The following MSRB3 variants were observed in gnomAD, a reference collection of about 807,000 sequenced individuals.
The protein encoded by MSRB3 is methionine-R-sulfoxide reductase B3.
A neutral mutation model predicts 21.0 loss-of-function variants in MSRB3; 13 were observed. That is an observed-to-expected ratio of 0.62 (90% CI 0.40 to 0.98). MSRB3 has a LOEUF of 0.98. MSRB3 is among the 50% of genes least tolerant of loss of function. The probability of loss-of-function intolerance (pLI) is 0.00; values close to 1 mark genes in which losing one functional copy is unlikely to be tolerated. For synonymous variants in MSRB3, 87 were observed against 88.6 expected (o/e 0.98, Z 0.10); for missense variants, 199 against 230.3 (o/e 0.86, Z 0.88).
At chr12:65,454,202 CACTGG>C in intron 6 of MSRB3, 1 of 456,522 alleles carries the variant, frequency 2.2e-6, no homozygotes, top group Non-Finnish European at 4.0e-6. Context: ...GCAGGAGAAT[CACTGG>C]AGCCCAGGAG....
At chr12:65,376,037 T>G (rs1457500911) in intron 5 of MSRB3, among the ~76,000 whole-genome samples, 1 of 152,050 alleles carries the variant, frequency 6.6e-6, no homozygotes, top group Non-Finnish European at 1.5e-5. Context: ...ACAACCTGAT[T>G]CATGATAATT....
intron 2 of MSRB3, among the ~76,000 whole-genome samples, chr12:65,322,807 G>T (rs1427517762): frequency 2.0e-5 from 3 of 152,048 alleles, no homozygotes; most frequent in Non-Finnish European, 4.4e-5. Flanking sequence ...CTCAGTTTCT[G>T]TATCTGTAAA....
intron 1 of MSRB3, among the ~76,000 whole-genome samples, chr12:65,279,700 T>G (rs1165754009): frequency 6.6e-6 from 1 of 152,218 alleles, no homozygotes; most frequent in Non-Finnish European, 1.5e-5. Flanking sequence ...CTTTATAAGA[T>G]AATCTTCTTG....
chr12:65,435,940 C>T (rs1423854088), intron 5 of MSRB3, among the ~76,000 whole-genome samples: 1 of 151,744 alleles, frequency 6.6e-6, no homozygotes, highest in Non-Finnish European at 1.5e-5. Context: ...CTGTATCTTC[C>T]ATGCTTTTTC....
At chr12:65,332,786 C>A (rs1875516185) in intron 4 of MSRB3, among the ~76,000 whole-genome samples, 1 of 152,128 alleles carries the variant, frequency 6.6e-6, no homozygotes, top group Admixed American at 6.5e-5. Flanking sequence ...AAAGGCTATT[C>A]AATTATTCTC....
intron 4 of MSRB3, among the ~76,000 whole-genome samples, chr12:65,360,151 A>C (rs1877620197): frequency 6.6e-6 from 1 of 152,132 alleles, no homozygotes; most frequent in Non-Finnish European, 1.5e-5. Context: ...CCTGGATGAC[A>C]TTTTAACTTG....
intron 4 of MSRB3, among the ~76,000 whole-genome samples, chr12:65,351,289 A>AG (rs1876969233): frequency 2.7e-5 from 4 of 149,754 alleles, no homozygotes; most frequent in African/African-American, 1.0e-4. Flanking sequence ...AACATACCAG[A>AG]ATCTCTGGGA....
At chr12:65,305,127 A>G (rs1432634064) in intron 1 of MSRB3, 1 of 149,238 alleles carries the variant, frequency 6.7e-6, no homozygotes, top group Non-Finnish European at 1.5e-5. Flanking sequence ...GGAGTGCAGT[A>G]CGCAATCTCA....
rs975364759 is a variant in MSRB3, at chr12:65,464,628, A to T, written c.*1306A>T. ...CAAATTCCACTGTGTAAAATAAAAT[A>T]TTAGGGGCAACACACTTCATCAAGG... On this transcript the variant is annotated 3_prime_UTR_variant, in exon 7 of 7. Transcript: ENST00000308259. 6.6e-6 allele frequency: 1 copy of T among 152,266 alleles called. No individual in the cohort carries two copies. The highest frequency in any genetic ancestry group is 1.5e-5 in the Non-Finnish European group (1 of 68,086). The allele number at this position is 152,266 out of a possible 1,614,324, so 9.4% of individuals were successfully genotyped here.
At chr12:65,329,632 A>G (rs1239818259) in intron 4 of MSRB3, among the ~76,000 whole-genome samples, 3 of 151,262 alleles carry the variant, frequency 2.0e-5, no homozygotes, top group Non-Finnish European at 4.4e-5. Context: ...TGGGCGACAG[A>G]GTAAGATTCC....
At chr12:65,308,860 C>T (rs1021765421) in intron 2 of MSRB3, 1 of 673,404 alleles carries the variant, frequency 1.5e-6, no homozygotes, top group African/African-American at 1.8e-5. Flanking sequence ...GAACATTGTC[C>T]AGTTTCCTTG....
At chr12:65,308,950 A>G in intron 2 of MSRB3, 1 of 441,992 alleles carries the variant, frequency 2.3e-6, no homozygotes, top group South Asian at 2.7e-5. Context: ...CATAACGTTC[A>G]TAAGAGGCTG....
At chr12:65,453,921 G>C (rs758721155) in intron 6 of MSRB3, 96 bp downstream of exon 6, 4 of 980,200 alleles carry the variant, frequency 4.1e-6, no homozygotes, top group Admixed American at 3.5e-5. Flanking sequence ...GTCACAAGAA[G>C]GACAGACAAG....
At chr12:65,329,741 A>C (rs966028715) in intron 4 of MSRB3, among the ~76,000 whole-genome samples, 1 of 152,210 alleles carries the variant, frequency 6.6e-6, no homozygotes, top group Non-Finnish European at 1.5e-5. Context: ...ACTTGTAGCT[A>C]AAACACACTT....
In MSRB3 at chr12:65,278,718, G is replaced by T. The variant is rs538272444; in HGVS notation, c.-199G>T. Reference sequence around the variant, plus strand: ...CCGCCCCGTCCGTCGCCCGGAGCCGGGGAGGGAGGGAGCGAGGTTCGGACA... The same window carrying T: ...CCGCCCCGTCCGTCGCCCGGAGCCGTGGAGGGAGGGAGCGAGGTTCGGACA... On this transcript the variant is annotated 5_prime_UTR_variant, in exon 1 of 7. Coordinates refer to ENST00000308259, the MANE Select transcript of MSRB3 (RefSeq NM_001031679.3). 4 of 1,504,012 alleles carry T rather than the reference G, an allele frequency of 2.7e-6. No individual in the cohort carries two copies. The highest frequency in any genetic ancestry group is 3.6e-6 in the Non-Finnish European group (4 of 1,105,632). The allele number at this position is 1,504,012 out of a possible 1,614,324, so 93.2% of individuals were successfully genotyped here.
chr12:65,447,164 T>A (rs1882656927), intron 5 of MSRB3, among the ~76,000 whole-genome samples: 1 of 152,160 alleles, frequency 6.6e-6, no homozygotes, highest in African/African-American at 2.4e-5. Context: ...CAGGCAGCTT[T>A]TATATTCAGA....
intron 4 of MSRB3, among the ~76,000 whole-genome samples, chr12:65,368,285 A>T (rs1298549084): frequency 1.3e-5 from 2 of 152,202 alleles, no homozygotes; most frequent in Admixed American, 1.3e-4. Context: ...TGTGATATAA[A>T]TCCGACTGGA....
intron 1 of MSRB3, among the ~76,000 whole-genome samples, chr12:65,280,597 A>G (rs1278259832): frequency 1.3e-5 from 2 of 152,174 alleles, no homozygotes; most frequent in African/African-American, 4.8e-5. Context: ...CCCAGCTGAT[A>G]TATCAGTCTA....
At chr12:65,338,933 C>A (rs1443070157) in intron 4 of MSRB3, among the ~76,000 whole-genome samples, 1 of 151,958 alleles carries the variant, frequency 6.6e-6, no homozygotes, top group East Asian at 1.9e-4. Context: ...AGAAATTAGC[C>A]AGGTGTGGCG....
Sources: allele counts gnomAD v4.1 joint callset (sites outside exome capture counted in the v4.1 genomes callset), GRCh38; gene constraint gnomAD v4.1.1; transcripts MANE v1.5; gene names NCBI Gene and HGNC (gene_info 2026-07-23, HGNC 2026-07-21).